Variants in TNIK observed in about 807,000 individuals in gnomAD.
TNIK encodes TRAF2 and NCK-interacting protein kinase.
In TNIK, 49 loss-of-function variants were observed where a neutral mutation model predicts 191.3. The observed-to-expected ratio is 0.26, with a 90% CI of 0.20 to 0.32. The LOEUF (loss-of-function observed/expected upper bound fraction) is 0.32. Among genes scored for constraint, TNIK ranks in the 10% least tolerant of loss-of-function variants. TNIK has a pLI of 1.00. For missense variants in TNIK, 1,155 were observed against 1,702.3 expected (o/e 0.68, Z 5.66); for synonymous variants, 594 against 600.9 (o/e 0.99, Z 0.17).
intron 1 of TNIK, among the ~76,000 whole-genome samples, chr3:171,415,232 C>A (rs192246396): frequency 3.3e-5 from 5 of 152,112 alleles, no homozygotes; most frequent in Non-Finnish European, 7.4e-5. Flanking sequence ...TTATTAACAA[C>A]CCCAGACGCA....
chr3:171,405,908 A>G (rs1721608128), intron 1 of TNIK, among the ~76,000 whole-genome samples: 1 of 152,228 alleles, frequency 6.6e-6, no homozygotes, highest in Admixed American at 6.5e-5. Context: ...GTAAGAACTT[A>G]GGGAAAAGCC....
At chr3:171,139,410 AC>A (rs2108629245) in intron 14 of TNIK, 59 bp downstream of exon 14, 1 of 1,497,008 alleles carries the variant, frequency 6.7e-7, no homozygotes, top group East Asian at 2.3e-5. Flanking sequence ...ACACACACAC[AC>A]ACAAACACTT....
rs140881678 is a variant in TNIK at position 171,279,077 on chromosome 3, T to C, written c.124-50856A>G. Among the ~76,000 whole-genome samples the C allele has an allele frequency of 2.3e-3, 354 of 152,196 alleles. 1 individual carries two copies. Among genetic ancestry groups the C allele is most frequent in the African/African-American group, 7.5e-3 (312 of 41,536 alleles). On this transcript the variant is annotated intron_variant, in intron 2 of 32. Coordinates refer to ENST00000436636, the MANE Select transcript of TNIK (RefSeq NM_015028.4). Reference sequence around the variant, plus strand: ...GCAGGATTTCCTAATTCTTGGTATTTGGATGAAGAGTTTATATGCAGACAT... The same window carrying C: ...GCAGGATTTCCTAATTCTTGGTATTCGGATGAAGAGTTTATATGCAGACAT...
chr3:171,261,590 C>G (rs1262917698), intron 2 of TNIK, among the ~76,000 whole-genome samples: 2 of 152,106 alleles, frequency 1.3e-5, no homozygotes, highest in Non-Finnish European at 2.9e-5. Flanking sequence ...AGGCAAACAG[C>G]CATGTCATAA....
intron 2 of TNIK, among the ~76,000 whole-genome samples, chr3:171,285,309 T>C (rs915394894): frequency 6.6e-6 from 1 of 152,236 alleles, no homozygotes; most frequent in African/African-American, 2.4e-5. Flanking sequence ...GCCACTTAAA[T>C]TCCTCAGCAA....
intron 2 of TNIK, among the ~76,000 whole-genome samples, chr3:171,233,135 A>T (rs1875446): frequency 5.3e-5 from 8 of 152,126 alleles, no homozygotes; most frequent in Non-Finnish European, 1.0e-4. Context: ...TGCCAAAGGA[A>T]GCTCACACAC....
At chr3:171,414,598 G>C (rs1302779328) in intron 1 of TNIK, among the ~76,000 whole-genome samples, 2 of 152,206 alleles carry the variant, frequency 1.3e-5, no homozygotes, top group Non-Finnish European at 2.9e-5. Context: ...GCTCAGGCTG[G>C]AGAAGGTTCA....
chr3:171,380,743 G>T (rs940988673), intron 1 of TNIK, among the ~76,000 whole-genome samples: 1 of 152,254 alleles, frequency 6.6e-6, no homozygotes, highest in Admixed American at 6.5e-5. Flanking sequence ...GGCAAGAGTT[G>T]TGCACACTGA....
chr3:171,181,068 C>T (rs977412225), intron 7 of TNIK, among the ~76,000 whole-genome samples: 1 of 152,204 alleles, frequency 6.6e-6, no homozygotes, highest in African/African-American at 2.4e-5. Flanking sequence ...TCTTGAACTC[C>T]TGGGCTCAAG....
At chr3:171,133,506 T>C (rs979271572) in intron 15 of TNIK, among the ~76,000 whole-genome samples, 2 of 152,200 alleles carry the variant, frequency 1.3e-5, no homozygotes, top group African/African-American at 4.8e-5. Flanking sequence ...CACGTGCATA[T>C]TCATTATTGC....
chr3:171,426,355 T>G (rs1724591610), intron 1 of TNIK, among the ~76,000 whole-genome samples: 1 of 132,726 alleles, frequency 7.5e-6, no homozygotes, highest in Non-Finnish European at 1.5e-5. Flanking sequence ...AATTGAACAA[T>G]GAGAACACTC....
chr3:171,412,436 G>A (rs1181625550), intron 1 of TNIK, among the ~76,000 whole-genome samples: 2 of 152,172 alleles, frequency 1.3e-5, no homozygotes, highest in Non-Finnish European at 2.9e-5. Context: ...CTTTTTCTGA[G>A]GTCCAGAATG....
At position 171,139,455 on chromosome 3, in the gene TNIK, T is replaced by C. The variant is rs775892892; in HGVS notation, c.1419+15A>G. On this transcript the variant is annotated intron_variant, in intron 14 of 32. Transcript: ENST00000436636. ...AACACAGAGCAGGTCAGCTGGTTCT[T>C]GGCTTTCTCATTACCAGAAGTAGAG... 6.2e-7 allele frequency: 1 copy of C among 1,611,004 alleles called. No individual in the cohort carries two copies. The highest frequency in any genetic ancestry group is 1.1e-5 in the South Asian group (1 of 90,994).
intron 2 of TNIK, among the ~76,000 whole-genome samples, chr3:171,346,421 C>G (rs973410281): frequency 1.3e-5 from 2 of 152,070 alleles, no homozygotes; most frequent in Non-Finnish European, 2.9e-5. Context: ...ATACACCTTG[C>G]GCATGTCATC....
intron 3 of TNIK, among the ~76,000 whole-genome samples, chr3:171,216,460 A>G (rs943368094): frequency 6.6e-6 from 1 of 152,174 alleles, no homozygotes; most frequent in Admixed American, 6.6e-5. Flanking sequence ...TAGGATGGAG[A>G]AAAATCTGCA....
chr3:171,363,886 C>A (rs1247861383), intron 2 of TNIK, among the ~76,000 whole-genome samples: 3 of 152,146 alleles, frequency 2.0e-5, no homozygotes, highest in Admixed American at 1.3e-4. Context: ...AAAGTCAAAT[C>A]TTTGAATAAG....
At chr3:171,078,798 C>T (rs1720315848) in intron 28 of TNIK, among the ~76,000 whole-genome samples, 1 of 152,162 alleles carries the variant, frequency 6.6e-6, no homozygotes, top group Admixed American at 6.5e-5. Context: ...ACATTTCTTA[C>T]ATTCTCTTCC....
At chr3:171,360,319 G>A (rs565074434) in intron 2 of TNIK, among the ~76,000 whole-genome samples, 12 of 152,302 alleles carry the variant, frequency 7.9e-5, no homozygotes, top group African/African-American at 2.9e-4. Context: ...CCTTAATAAT[G>A]TTAGGCATTC....
At chr3:171,316,579 A>G (rs1192674717) in intron 2 of TNIK, among the ~76,000 whole-genome samples, 1 of 152,168 alleles carries the variant, frequency 6.6e-6, no homozygotes, top group African/African-American at 2.4e-5. Flanking sequence ...AAGAGTATCT[A>G]AAGGGATTTA....
Sources: gnomAD v4.1 joint callset for allele counts (sites outside exome capture counted in the v4.1 genomes callset) on GRCh38, gnomAD v4.1.1 for gene constraint, MANE v1.5 for transcripts, NCBI Gene and HGNC (gene_info 2026-07-23, HGNC 2026-07-21) for gene names.